AP3S2: variants seen among roughly 807,000 people sequenced by gnomAD.
AP3S2 encodes the protein AP-3 complex subunit sigma-2.
Under a neutral mutation model 23.4 loss-of-function variants are expected in AP3S2, and 22 were observed. The observed-to-expected ratio is 0.94, with a 90% CI of 0.67 to 1.34. AP3S2 has a LOEUF of 1.34. AP3S2 is among the 40% of genes most tolerant of loss of function. The pLI, the probability that AP3S2 is intolerant of heterozygous loss-of-function variation, is 0.00. For missense variants in AP3S2, 241 were observed against 236.9 expected, an observed-to-expected ratio of 1.02 and a Z score of -0.11; for synonymous variants, 86 against 87.1, an observed-to-expected ratio of 0.99 and a Z score of 0.07.
At chr15:89,847,114 T>C (rs1387643742) in intron 4 of AP3S2, among the ~76,000 whole-genome samples, 2 of 152,084 alleles carry the variant, frequency 1.3e-5, no homozygotes, top group Non-Finnish European at 2.9e-5. Flanking sequence ...TAGCAGCTCA[T>C]GCCTGTATTC....
Position 89,893,878 on chromosome 15 carries a change from C to T in AP3S2, c.69+3G>A, listed in dbSNP as rs1302490246. 2 of 1,551,716 alleles carry T rather than the reference C, an allele frequency of 1.3e-6. No homozygotes were observed. The highest frequency in any genetic ancestry group is 2.0e-5 in the Admixed American group (1 of 51,010). ...GGGCGTGGTGAAGCCGGGCCGCACTCACGAAACGCTGGTAGAAGCGGACTA... is the reference window on the plus strand; with the variant it reads ...GGGCGTGGTGAAGCCGGGCCGCACTTACGAAACGCTGGTAGAAGCGGACTA... On this transcript the variant is annotated splice_donor_region_variant and intron_variant, in intron 1 of 5. Transcript: ENST00000336418.
chr15:89,885,701 G>A (rs1045882272), intron 3 of AP3S2, among the ~76,000 whole-genome samples: 39 of 151,978 alleles, frequency 2.6e-4, no homozygotes, highest in Admixed American at 2.3e-3. Context: ...CAGCAATTTG[G>A]GAGGCCAAAG....
intron 4 of AP3S2, among the ~76,000 whole-genome samples, chr15:89,861,023 TCTG>T (rs1200634050): frequency 6.6e-6 from 1 of 152,232 alleles, no homozygotes; most frequent in Non-Finnish European, 1.5e-5. Context: ...AGTCAGGACA[TCTG>T]CTTCAACGTC....
chr15:89,844,103 T>G (rs915947814), intron 4 of AP3S2, among the ~76,000 whole-genome samples: 1 of 152,236 alleles, frequency 6.6e-6, no homozygotes, highest in African/African-American at 2.4e-5. Context: ...ACTTTTACTG[T>G]GACTTTTCCC....
chr15:89,873,573 C>A (rs1186245529), intron 3 of AP3S2, among the ~76,000 whole-genome samples: 1 of 152,232 alleles, frequency 6.6e-6, no homozygotes, highest in African/African-American at 2.4e-5. Flanking sequence ...ACGTGAGCCA[C>A]TGTGCCCGGC....
intron 3 of AP3S2, chr15:89,886,360 TA>T (rs950817521): frequency 1.3e-5 from 2 of 151,964 alleles, no homozygotes; most frequent in African/African-American, 4.8e-5. Context: ...AATAAATAAA[TA>T]AAAAAGTAAA....
intron 4 of AP3S2, among the ~76,000 whole-genome samples, chr15:89,839,646 C>G (rs1895279310): frequency 6.6e-6 from 1 of 152,140 alleles, no homozygotes; most frequent in African/African-American, 2.4e-5. Flanking sequence ...TATGGCCCAG[C>G]AATTCCACTT....
chr15:89,891,895 C>T (rs761345907), intron 1 of AP3S2, among the ~76,000 whole-genome samples: 2 of 152,002 alleles, frequency 1.3e-5, no homozygotes, highest in Non-Finnish European at 2.9e-5. Flanking sequence ...GGTATATAAC[C>T]AAGAGAAATG....
rs142699052 is a variant in AP3S2 at position 89,833,160 on chromosome 15, A to T, written c.*2355T>A. 6 of 152,304 alleles carry T rather than the reference A, an allele frequency of 3.9e-5. No individual in the cohort carries two copies. The highest frequency in any genetic ancestry group is 8.8e-5 in the Non-Finnish European group (6 of 68,038). 9.4% of individuals were successfully genotyped at this position (152,304 alleles called of 1,614,324 possible). ...AGAGGGATGTGGCTCTGGATTTGTG[A>T]CCCTCAACATAACATTTACCACCTT... On this transcript the variant is annotated 3_prime_UTR_variant, in exon 6 of 6. Coordinates refer to ENST00000336418, the MANE Select transcript of AP3S2 (RefSeq NM_005829.5).
At chr15:89,885,325 G>T (rs1896671852) in intron 3 of AP3S2, among the ~76,000 whole-genome samples, 1 of 151,896 alleles carries the variant, frequency 6.6e-6, no homozygotes, top group African/African-American at 2.4e-5. Flanking sequence ...TACCCAAACA[G>T]CCAAGCAGCT....
chr15:89,886,752 T>C (rs1306015773), intron 3 of AP3S2, among the ~76,000 whole-genome samples: 6 of 152,218 alleles, frequency 3.9e-5, no homozygotes, highest in Non-Finnish European at 7.3e-5. Flanking sequence ...TTTCAGATGG[T>C]AGATTCATGA....
chr15:89,858,443 AAAAAAGAAAG>A (rs1386285903), intron 4 of AP3S2, among the ~76,000 whole-genome samples: 1 of 150,860 alleles, frequency 6.6e-6, no homozygotes, highest in African/African-American at 2.4e-5. Context: ...CTCCATCTCA[AAAAAAGAAAG>A]AAAAAGAAAG....
intron 3 of AP3S2, among the ~76,000 whole-genome samples, chr15:89,880,059 C>T (rs910982002): frequency 6.7e-6 from 1 of 149,328 alleles, no homozygotes; most frequent in Admixed American, 6.7e-5. Flanking sequence ...ATAAAATGTG[C>T]ATCTTAGGAT....
chr15:89,871,680 C>T (rs766247832), intron 3 of AP3S2, 134 bp from the exon 4 acceptor site: 12 of 870,572 alleles, frequency 1.4e-5, no homozygotes, highest in East Asian at 1.1e-4. Context: ...ATTAAAACAC[C>T]TACCTTTTGT....
At chr15:89,849,914 G>A (rs1242653554) in intron 4 of AP3S2, among the ~76,000 whole-genome samples, 3 of 152,002 alleles carry the variant, frequency 2.0e-5, no homozygotes, top group Non-Finnish European at 4.4e-5. Context: ...ATTTATGAGT[G>A]AAAACATGTC....
intron 3 of AP3S2, among the ~76,000 whole-genome samples, chr15:89,873,972 C>T (rs1163668876): frequency 6.7e-6 from 1 of 150,202 alleles, no homozygotes; most frequent in Non-Finnish European, 1.5e-5. Flanking sequence ...CCTCAGCCTC[C>T]CGGGTGCAGG....
rs777614969 is a variant in AP3S2 at position 89,889,129 on chromosome 15, A to G, written c.81T>C (p.Ile27=). The part of the protein sequence containing the change: ...VRFYQRFPEE[I]QQQIVRETFH... The stretch of plus-strand genomic sequence containing the variant: ...AAGTCTCTCGAACAATCTGCTGTTG[A>G]ATTTCTTCTGGCTATGAAACAAAAA... The change falls in exon 2 of 6, where the codon ATT becomes ATC. Residue 27 remains isoleucine, a synonymous_variant. Transcript: ENST00000336418. 1.5e-5 allele frequency: 25 copies of G among 1,614,048 alleles called. No individual in the cohort carries two copies. The East Asian group carries it at 5.6e-4, about 36-fold the overall frequency.
chr15:89,871,331 C>A, intron 4 of AP3S2, 144 bp downstream of exon 4: 1 of 700,528 alleles, frequency 1.4e-6, no homozygotes, highest in Non-Finnish European at 2.2e-6. Flanking sequence ...ACTATTAAAT[C>A]TATTAAATAA....
At chr15:89,869,037 C>T (rs1185243063) in intron 4 of AP3S2, among the ~76,000 whole-genome samples, 3 of 151,628 alleles carry the variant, frequency 2.0e-5, no homozygotes. Flanking sequence ...GTGAGGAGCC[C>T]CTCTGCCCGG....
Sources: gnomAD v4.1 joint callset for allele counts (sites outside exome capture counted in the v4.1 genomes callset) on GRCh38, gnomAD v4.1.1 for gene constraint, MANE v1.5 for transcripts, NCBI Gene and HGNC (gene_info 2026-07-23, HGNC 2026-07-21) for gene names.